Variants in CPQ observed in about 807,000 individuals in gnomAD.
The protein encoded by CPQ is carboxypeptidase Q, also known as Ser-Met dipeptidase.
In CPQ, 37 loss-of-function variants were observed where a neutral mutation model predicts 45.7. The ratio of observed to expected loss-of-function variants is 0.81; its 90% CI spans 0.62 to 1.07. CPQ has a LOEUF of 1.07. CPQ is among the 50% of genes least tolerant of loss of function. The probability of loss-of-function intolerance (pLI) is 0.00; values close to 1 mark genes in which losing one functional copy is unlikely to be tolerated. For missense variants in CPQ, 537 were observed against 572.9 expected (o/e 0.94, Z 0.64); for synonymous variants, 186 against 205.8 (o/e 0.90, Z 0.82).
chr8:96,823,724 G>A (rs1430061273), intron 2 of CPQ, among the ~76,000 whole-genome samples: 2 of 151,912 alleles, frequency 1.3e-5, no homozygotes, highest in Non-Finnish European at 2.9e-5. Context: ...TAATGAAGGT[G>A]ATAAAAGTGC....
chr8:97,025,721 T>C (rs1362259124), intron 5 of CPQ, among the ~76,000 whole-genome samples: 2 of 152,220 alleles, frequency 1.3e-5, no homozygotes, highest in African/African-American at 2.4e-5. Context: ...GTTACTATCA[T>C]TGTTACTGCT....
At chr8:96,798,028 G>A (rs944938292) in intron 2 of CPQ, among the ~76,000 whole-genome samples, 12 of 151,614 alleles carry the variant, frequency 7.9e-5, no homozygotes, top group Admixed American at 2.0e-4. Flanking sequence ...TCCAGCCTGG[G>A]CGGCAGAGCA....
At chr8:97,046,923 A>T (rs1810268389) in intron 6 of CPQ, among the ~76,000 whole-genome samples, 3 of 152,240 alleles carry the variant, frequency 2.0e-5, no homozygotes, top group African/African-American at 7.2e-5. Flanking sequence ...GTGCTTTGTG[A>T]AAATTACCCA....
rs116105171 is a variant in CPQ at position 96,783,050 on chromosome 8, C to A, written c.-34-1814C>A. ...ACTCAAGTAATCTCTAAGAAGTTCC[C>A]GACTTTCTCTCTGGCTCATCTGCTC... On this transcript the variant is annotated intron_variant, in intron 1 of 7. Coordinates refer to ENST00000220763, the MANE Select transcript of CPQ (RefSeq NM_016134.4). Among the ~76,000 whole-genome samples, 348 of 152,250 alleles carry A rather than the reference C, an allele frequency of 2.3e-3. 4 individuals are homozygous for A. Among genetic ancestry groups the A allele is most frequent in the African/African-American group, 8.2e-3 (340 of 41,534 alleles).
intron 6 of CPQ, among the ~76,000 whole-genome samples, chr8:97,046,231 CTT>C (rs1037639756): frequency 6.7e-6 from 1 of 148,252 alleles, no homozygotes; most frequent in African/African-American, 2.5e-5. Context: ...CAAAGGCATA[CTT>C]TTTTTTTTCC....
intron 1 of CPQ, among the ~76,000 whole-genome samples, chr8:96,718,991 C>G (rs548745875): frequency 1.3e-5 from 2 of 152,386 alleles, no homozygotes; most frequent in Admixed American, 6.5e-5. Context: ...TTCTCCATGT[C>G]CCCACCAGAC....
At chr8:96,916,040 T>A (rs1040141216) in intron 4 of CPQ, among the ~76,000 whole-genome samples, 3 of 152,134 alleles carry the variant, frequency 2.0e-5, no homozygotes, top group Non-Finnish European at 4.4e-5. Flanking sequence ...TGATTCCTCT[T>A]AGGAGAGTTT....
intron 2 of CPQ, among the ~76,000 whole-genome samples, chr8:96,800,378 G>T (rs1337226088): frequency 6.6e-6 from 1 of 152,212 alleles, no homozygotes; most frequent in African/African-American, 2.4e-5. Flanking sequence ...CTCATGCACT[G>T]ATTGGTGGGT....
chr8:97,026,724 A>C (rs79112961), intron 5 of CPQ, among the ~76,000 whole-genome samples: 2 of 152,204 alleles, frequency 1.3e-5, no homozygotes, highest in African/African-American at 4.8e-5. Context: ...CCAGCTGTGC[A>C]CCAACTATGC....
At chr8:96,964,524 CAT>C (rs375467635) in intron 4 of CPQ, among the ~76,000 whole-genome samples, 14 of 151,308 alleles carry the variant, frequency 9.3e-5, no homozygotes, top group African/African-American at 2.2e-4. Flanking sequence ...TGTTCATATA[CAT>C]ATATATATAT....
rs558358488 is a variant in CPQ, at chr8:96,873,509, AAATT to A, written c.642-6285_642-6282del. Among the ~76,000 whole-genome samples the A allele has an allele frequency of 1.2e-4, 18 of 151,948 alleles. No homozygotes were observed. In the East Asian group the frequency reaches 3.5e-3, roughly 29 times the overall value. On this transcript the variant is annotated intron_variant, in intron 3 of 7. Coordinates refer to ENST00000220763, the MANE Select transcript of CPQ (RefSeq NM_016134.4). Reference sequence around the variant, plus strand: ...TACTCTTAAGGTGCTAAATTAAAAAAAATTAATAAAGTCAATTGAAAATTTTCCA... The same window carrying A: ...TACTCTTAAGGTGCTAAATTAAAAAAAATAAAGTCAATTGAAAATTTTCCA...
chr8:97,062,005 C>A (rs1810559120), intron 6 of CPQ, among the ~76,000 whole-genome samples: 1 of 152,060 alleles, frequency 6.6e-6, no homozygotes, highest in Non-Finnish European at 1.5e-5. Context: ...GCCTAGGGCA[C>A]CTTTGAAACC....
chr8:96,890,002 A>G (rs975296826), intron 4 of CPQ, among the ~76,000 whole-genome samples: 1 of 152,180 alleles, frequency 6.6e-6, no homozygotes, highest in African/African-American at 2.4e-5. Context: ...ATTAACCATG[A>G]CAAGTTCACC....
intron 7 of CPQ, among the ~76,000 whole-genome samples, chr8:97,134,192 A>T (rs1002979523): frequency 3.3e-5 from 5 of 152,252 alleles, no homozygotes; most frequent in African/African-American, 1.2e-4. Context: ...GATTCAACAA[A>T]TATCTGTTAA....
intron 1 of CPQ, among the ~76,000 whole-genome samples, chr8:96,724,038 C>T (rs989462698): frequency 1.3e-5 from 2 of 152,060 alleles, no homozygotes; most frequent in Non-Finnish European, 2.9e-5. Flanking sequence ...CAACCTATCT[C>T]TCTGCCTACC....
At chr8:97,035,516 C>G (rs1230251656) in intron 6 of CPQ, among the ~76,000 whole-genome samples, 1 of 152,072 alleles carries the variant, frequency 6.6e-6, no homozygotes, top group African/African-American at 2.4e-5. Context: ...CCTATCTTTC[C>G]CAGTATGTGG....
rs775821667 is a variant in CPQ at position 96,784,951 on chromosome 8, C to A, written c.54C>A (p.Cys18Ter). The change falls in exon 2 of 8, where the codon TGC (cysteine) becomes TGA (stop). Residue 18 changes from cysteine (C) to a stop codon, truncating the protein, a stop_gained. Coordinates refer to ENST00000220763, the MANE Select transcript of CPQ (RefSeq NM_016134.4). LOFTEE classifies it high-confidence loss of function. ...FFGGVHLLSLCSGKAICKNGI... is the reference protein window; with the variant it reads ...FFGGVHLLSL Reference sequence around the variant, plus strand: ...GTGGTGTTCACCTTTTATCCCTGTGCTCTGGGAAAGCTATATGCAAGAATG... The same window carrying A: ...GTGGTGTTCACCTTTTATCCCTGTGATCTGGGAAAGCTATATGCAAGAATG... 1.9e-6 allele frequency: 3 copies of A among 1,613,606 alleles called. No individual in the cohort carries two copies. Among genetic ancestry groups the A allele is most frequent in the Non-Finnish European group, 2.5e-6 (3 of 1,179,696 alleles).
At chr8:97,139,589 T>A (rs1047088257) in intron 7 of CPQ, among the ~76,000 whole-genome samples, 1 of 151,676 alleles carries the variant, frequency 6.6e-6, no homozygotes, top group Admixed American at 6.6e-5. Flanking sequence ...ATGAAAAAAA[T>A]AACTCAGAAA....
rs200577978 is a variant in CPQ at position 96,712,274 on chromosome 8, C to T, written c.-35+66872C>T. Reference sequence around the variant, plus strand: ...TGATGAGTGTCTGTGGTTTTCTAGGCGCATGGTGTAAGCTGTTGGTGAATC... The same window carrying T: ...TGATGAGTGTCTGTGGTTTTCTAGGTGCATGGTGTAAGCTGTTGGTGAATC... On this transcript the variant is annotated intron_variant, in intron 1 of 7. Transcript: ENST00000220763. 3.1e-4 allele frequency among the ~76,000 whole-genome samples: 47 copies of T among 152,230 alleles called. No homozygotes were observed. In the East Asian group the frequency reaches 4.1e-3, roughly 13 times the overall value.
Sources: allele counts gnomAD v4.1 joint callset (sites outside exome capture counted in the v4.1 genomes callset), GRCh38; gene constraint gnomAD v4.1.1; transcripts MANE v1.5; gene names NCBI Gene and HGNC (gene_info 2026-07-23, HGNC 2026-07-21).